The following PMFBP1 variants were observed in gnomAD, a reference collection of about 807,000 sequenced individuals.
PMFBP1 encodes the protein polyamine-modulated factor 1-binding protein 1.
A neutral mutation model predicts 137.8 loss-of-function variants in PMFBP1; 131 were observed. That is an observed-to-expected ratio of 0.95 (90% confidence interval 0.82 to 1.10). PMFBP1 has a LOEUF of 1.10. Ranked by LOEUF, PMFBP1 falls within the 50% of genes least tolerant of loss-of-function variation. The pLI is 0.00. For synonymous variants in PMFBP1, 490 were observed against 450.4 expected, an observed-to-expected ratio of 1.09 and a Z score of -1.11; for missense variants, 1,199 against 1,175.4, an observed-to-expected ratio of 1.02 and a Z score of -0.29.
At chr16:72,215,079 ACAGTGAGG>A in the PMFBP1 span, among the ~76,000 whole-genome samples, 1 of 152,192 alleles carries the variant, frequency 6.6e-6, no homozygotes, top group South Asian at 2.1e-4. Context: ...AAAATACTAT[ACAGTGAGG>A]TAAATGTACA....
At chr16:72,152,465 C>T (rs891743922) in intron 4 of PMFBP1, among the ~76,000 whole-genome samples, 5 of 152,088 alleles carry the variant, frequency 3.3e-5, no homozygotes, top group Admixed American at 2.0e-4. Context: ...TTGTGGCTTC[C>T]GGAAAGTGTC....
chr16:72,138,560 G>A (rs187547127), intron 7 of PMFBP1, among the ~76,000 whole-genome samples: 2 of 152,246 alleles, frequency 1.3e-5, no homozygotes, highest in Non-Finnish European at 2.9e-5. Context: ...CTGTGGCCCA[G>A]GCTGGAGTGC....
intron 3 of PMFBP1, among the ~76,000 whole-genome samples, chr16:72,158,713 G>T (rs911782555): frequency 6.6e-6 from 1 of 152,132 alleles, no homozygotes; most frequent in African/African-American, 2.4e-5. Flanking sequence ...TTCTTATCAG[G>T]CCAGGCATGG....
chr16:72,160,067 T>G (rs1263468010), intron 3 of PMFBP1, among the ~76,000 whole-genome samples: 1 of 152,220 alleles, frequency 6.6e-6, no homozygotes, highest in Non-Finnish European at 1.5e-5. Flanking sequence ...TGTTCCCATA[T>G]TTAGTACACA....
intron 9 of PMFBP1, among the ~76,000 whole-genome samples, chr16:72,135,243 C>T (rs182481392): frequency 6.6e-6 from 1 of 152,102 alleles, no homozygotes; most frequent in Admixed American, 6.6e-5. Flanking sequence ...GTGGTGCAAT[C>T]TTGGCTCATT....
At chr16:72,123,994 G>A (rs2042415079) in intron 17 of PMFBP1, among the ~76,000 whole-genome samples, 2 of 152,162 alleles carry the variant, frequency 1.3e-5, no homozygotes, top group Non-Finnish European at 2.9e-5. Flanking sequence ...TCTGGAGGAA[G>A]AGGAAGAGAT....
the PMFBP1 span, among the ~76,000 whole-genome samples, chr16:72,192,290 C>T: frequency 5.9e-5 from 9 of 152,162 alleles, no homozygotes; most frequent in African/African-American, 2.2e-4. Flanking sequence ...TTAGAAAACA[C>T]ACACATTTCC....
the PMFBP1 span, among the ~76,000 whole-genome samples, chr16:72,206,666 G>C: frequency 6.6e-6 from 1 of 152,176 alleles, no homozygotes; most frequent in Admixed American, 6.5e-5. Flanking sequence ...ATATAGCTGG[G>C]ATTCAAATCC....
At chr16:72,133,115 C>T (rs1273107638) in intron 9 of PMFBP1, 124 bp from the exon 10 acceptor site, 1 of 1,099,948 alleles carries the variant, frequency 9.1e-7, no homozygotes, top group Non-Finnish European at 1.3e-6. Flanking sequence ...GCACGAACCT[C>T]CCTGCCTCCA....
chr16:72,136,072 A>T (rs2042626570), intron 9 of PMFBP1, among the ~76,000 whole-genome samples: 1 of 152,062 alleles, frequency 6.6e-6, no homozygotes, highest in Non-Finnish European at 1.5e-5. Context: ...TGTAATTTTA[A>T]AAGTGAAATT....
the PMFBP1 span, among the ~76,000 whole-genome samples, chr16:72,192,405 C>T: frequency 6.6e-6 from 1 of 152,092 alleles, no homozygotes; most frequent in South Asian, 2.1e-4. Context: ...AGCTGGTGCA[C>T]GTAGAAGGGA....
In PMFBP1 at chr16:72,137,661, G is replaced by A. The variant is rs1290876064; in HGVS notation, c.919-842C>T. 2.0e-5 allele frequency among the ~76,000 whole-genome samples: 3 copies of A among 152,174 alleles called. No homozygotes were observed. The East Asian group carries it at 5.8e-4, about 29-fold the overall frequency. On this transcript the variant is annotated intron_variant, in intron 7 of 20. Transcript: ENST00000237353. The stretch of plus-strand genomic sequence containing the variant: ...TGGAGGAGACGAGGTGAGGAGCTGG[G>A]TGGTCACATCACCTGGGGCTTGGGG...
chr16:72,139,420 G>C (rs376613863), intron 6 of PMFBP1, 21 bp from the exon 7 acceptor site: 17 of 1,550,180 alleles, frequency 1.1e-5, no homozygotes, highest in Middle Eastern at 3.3e-4. Flanking sequence ...GCTTAGATCA[G>C]TTATGCTGGA....
chr16:72,211,319 T>C, the PMFBP1 span, among the ~76,000 whole-genome samples: 2 of 152,206 alleles, frequency 1.3e-5, no homozygotes, highest in Non-Finnish European at 2.9e-5. Context: ...GCAAGGCATC[T>C]GTCCCCCAGG....
chr16:72,213,606 T>A, the PMFBP1 span, among the ~76,000 whole-genome samples: 1 of 152,206 alleles, frequency 6.6e-6, no homozygotes, highest in Non-Finnish European at 1.5e-5. Flanking sequence ...CTTAATCGCA[T>A]CCTTGTGAGA....
the PMFBP1 span, among the ~76,000 whole-genome samples, chr16:72,218,287 T>C: frequency 6.6e-6 from 1 of 152,172 alleles, no homozygotes; most frequent in Non-Finnish European, 1.5e-5. Flanking sequence ...AAAACAGAAA[T>C]GCCTTGAAAA....
upstream of PMFBP1, among the ~76,000 whole-genome samples, chr16:72,177,375 TG>T (rs2043262575): frequency 6.6e-6 from 1 of 152,188 alleles, no homozygotes; most frequent in South Asian, 2.1e-4. Context: ...TTGCCAGGTG[TG>T]TACCCTTTCC....
chr16:72,158,732 C>T (rs1476947169), intron 3 of PMFBP1, among the ~76,000 whole-genome samples: 1 of 152,102 alleles, frequency 6.6e-6, no homozygotes, highest in Non-Finnish European at 1.5e-5. Context: ...GGTGGCTCAT[C>T]CCTATAATCC....
chr16:72,150,391 C>T (rs1463221132), intron 5 of PMFBP1, among the ~76,000 whole-genome samples: 1 of 152,114 alleles, frequency 6.6e-6, no homozygotes, highest in Non-Finnish European at 1.5e-5. Context: ...AGTGGTGACT[C>T]TTTATGTTAA....
Sources: gnomAD v4.1 joint callset for allele counts (sites outside exome capture counted in the v4.1 genomes callset) on GRCh38, gnomAD v4.1.1 for gene constraint, MANE v1.5 for transcripts, NCBI Gene and HGNC (gene_info 2026-07-23, HGNC 2026-07-21) for gene names.